The following ZFYVE26 variants were observed in gnomAD, a reference collection of about 807,000 sequenced individuals.
ZFYVE26 encodes the protein zinc finger FYVE-type containing 26.
Under a neutral mutation model 276.5 loss-of-function variants are expected in ZFYVE26, and 181 were observed. The observed-to-expected ratio is 0.65, with a 90% CI of 0.58 to 0.74. The LOEUF (loss-of-function observed/expected upper bound fraction) is 0.74, where lower values mean the gene tolerates loss of function less well. Among genes scored for constraint, ZFYVE26 ranks in the 30% least tolerant of loss-of-function variants. The pLI is 0.00. For synonymous variants in ZFYVE26, 1,129 were observed against 1,203.1 expected (o/e 0.94, Z 1.27); for missense variants, 2,821 against 3,097.9 (o/e 0.91, Z 2.12).
chr14:67,759,442 G>A (rs1448551043), intron 35 of ZFYVE26, among the ~76,000 whole-genome samples: 3 of 151,682 alleles, frequency 2.0e-5, no homozygotes, highest in Admixed American at 1.3e-4. Context: ...TGGCCAACAT[G>A]GTGAAACCCT....
At chr14:67,778,365 G>A in intron 23 of ZFYVE26, 117 bp from the exon 24 acceptor site, 4 of 1,327,244 alleles carry the variant, frequency 3.0e-6, no homozygotes, top group Non-Finnish European at 3.2e-6. Flanking sequence ...ACTTCACTAT[G>A]ATGAAAATGA....
intron 12 of ZFYVE26, chr14:67,796,122 A>C (rs1046473115): frequency 1.3e-5 from 2 of 152,158 alleles, no homozygotes; most frequent in African/African-American, 4.8e-5. Context: ...ATAAAATCAG[A>C]GCTGGATGGA....
chr14:67,753,328 C>T (rs1220363740), intron 39 of ZFYVE26, among the ~76,000 whole-genome samples: 4 of 152,206 alleles, frequency 2.6e-5, no homozygotes, highest in African/African-American at 7.2e-5. Context: ...ATTCCTCCAG[C>T]CAGCTCCTGT....
chr14:67,796,379 T>C (rs776493695), intron 12 of ZFYVE26: 2 of 151,912 alleles, frequency 1.3e-5, no homozygotes, highest in Non-Finnish European at 2.9e-5. Context: ...CTAACTTTCA[T>C]ATTTTTAGTA....
intron 3 of ZFYVE26, among the ~76,000 whole-genome samples, chr14:67,811,953 T>A (rs1285364034): frequency 1.3e-5 from 2 of 148,500 alleles, no homozygotes; most frequent in Non-Finnish European, 3.0e-5. Flanking sequence ...ATATTACATA[T>A]AACATATTAT....
chr14:67,772,630 C>T (rs1276412926), intron 27 of ZFYVE26, among the ~76,000 whole-genome samples: 2 of 152,118 alleles, frequency 1.3e-5, no homozygotes, highest in African/African-American at 4.8e-5. Context: ...GGCAGGGAAC[C>T]TATTGATTAA....
intron 30 of ZFYVE26, among the ~76,000 whole-genome samples, 199 bp downstream of exon 30, chr14:67,768,318 C>T (rs980742156): frequency 5.9e-5 from 9 of 152,220 alleles, no homozygotes; most frequent in Non-Finnish European, 1.2e-4. Context: ...ATGCTGGAAG[C>T]TAATAGGCCA....
intron 31 of ZFYVE26, 106 bp downstream of exon 31, chr14:67,767,598 T>C: frequency 6.8e-7 from 1 of 1,472,776 alleles, no homozygotes; most frequent in Non-Finnish European, 9.5e-7. Context: ...ATTATTGCAC[T>C]ATAAACAAGT....
At chr14:67,735,303 T>C (rs1394838485) in intron 13 of ZFYVE26, 1 of 840,230 alleles carries the variant, frequency 1.2e-6, no homozygotes, top group Non-Finnish European at 2.1e-6. Flanking sequence ...ATCTCACCTC[T>C]CTGTAGTGTC....
intron 15 of ZFYVE26, 69 bp downstream of exon 15, chr14:67,790,503 G>C: frequency 6.5e-7 from 1 of 1,533,846 alleles, no homozygotes; most frequent in Non-Finnish European, 9.0e-7. Context: ...TAGGATTTTA[G>C]TGGTTTCTCC....
At chr14:67,780,421 C>T in intron 22 of ZFYVE26, 76 bp from the exon 23 acceptor site, 1 of 1,291,718 alleles carries the variant, frequency 7.7e-7, no homozygotes, top group Non-Finnish European at 1.1e-6. Context: ...GGCATGTCCA[C>T]AGATGGGCCA....
At chr14:67,756,305 C>T in intron 35 of ZFYVE26, 160 bp from the exon 36 acceptor site, 2 of 784,296 alleles carry the variant, frequency 2.6e-6, no homozygotes, top group Admixed American at 2.0e-5. Flanking sequence ...GAATCTCATT[C>T]TAGCGACTGC....
chr14:67,784,652 C>T (rs771686176), intron 19 of ZFYVE26, among the ~76,000 whole-genome samples: 1 of 152,200 alleles, frequency 6.6e-6, no homozygotes, highest in Admixed American at 6.5e-5. Context: ...CAACCCCAGA[C>T]GAACTTCAGT....
At chr14:67,767,884 GT>G in intron 30 of ZFYVE26, 44 bp from the exon 31 acceptor site, 1 of 1,613,754 alleles carries the variant, frequency 6.2e-7, no homozygotes, top group Non-Finnish European at 8.5e-7. Context: ...CTGGCTGGCA[GT>G]TCAGTCTAAC....
At chr14:67,793,480 C>T in intron 14 of ZFYVE26, 128 bp downstream of exon 14, 4 of 1,066,986 alleles carry the variant, frequency 3.7e-6, no homozygotes, top group South Asian at 2.7e-5. Flanking sequence ...TGGAAACCCC[C>T]TCTTGCTTCT....
rs1379057072 is a variant in ZFYVE26, at chr14:67,777,694, C to G, written c.4839G>C (p.Val1613=). The G allele has an allele frequency of 6.2e-7, 1 of 1,614,150 alleles. No homozygotes were observed. The highest frequency in any genetic ancestry group is 1.7e-5 in the Admixed American group (1 of 60,018). Residue 1613 remains valine (V), a synonymous_variant, in exon 25 of 42, where the codon GTG becomes GTC. Transcript: ENST00000347230. ...TGTGCTGGTCGAGGGATTGCTCTGT[C>G]ACTTCAAGGCACATGGTGGGGTCAG... ...RIPDPTMCLE[V]TEQSLDQHTS...
Position 67,785,132 on chromosome 14 carries a change from G to T in ZFYVE26, c.3450C>A (p.Asp1150Glu), listed in dbSNP as rs2039614117. The T allele has an allele frequency of 6.2e-7, 1 of 1,614,118 alleles. No homozygotes were observed. ...KQTPSGSRQM[D>E]YLGTFFSYCS... is the part of the protein sequence containing the mutation. ...AGTAACTGAAGAAGGTGCCCAAGTA[G>T]TCCATCTGCCTGCTGCCTGATGGGG... Residue 1150 changes from aspartate to glutamate, a missense_variant, in exon 19 of 42, where the codon GAC (aspartate) becomes GAA (glutamate). Asp to Glu is a conservative substitution (Grantham distance 45). Transcript: ENST00000347230.
chr14:67,814,143 A>C, intron 2 of ZFYVE26, 79 bp from the exon 3 acceptor site: 19 of 1,161,198 alleles, frequency 1.6e-5, no homozygotes, highest in Non-Finnish European at 2.3e-5. Flanking sequence ...GACAGATTTC[A>C]TTGCTTATTC....
Position 67,761,929 on chromosome 14 carries a change from C to T in ZFYVE26, c.6369+274G>A, listed in dbSNP as rs1484570590. The T allele has an allele frequency of 2.7e-5, 15 of 560,068 alleles. No individual in the cohort carries two copies. In the East Asian group the frequency reaches 3.2e-4, roughly 12 times the overall value. The allele number at this position is 560,068 out of a possible 1,614,324, so 34.7% of individuals were successfully genotyped here. A position where few individuals can be genotyped will look rare whatever the true frequency, so the allele number is the denominator to read the frequency against. On this transcript the variant is annotated intron_variant, in intron 34 of 41. Transcript: ENST00000347230. ...TAGAAAATTCACCAGAATTTTAACA[C>T]TAATCAGTCTGTGTATGGGATTATA... is the stretch of plus-strand genomic sequence containing the variant.
Sources: gnomAD v4.1 joint callset for allele counts (sites outside exome capture counted in the v4.1 genomes callset) on GRCh38, gnomAD v4.1.1 for gene constraint, MANE v1.5 for transcripts, NCBI Gene and HGNC (gene_info 2026-07-23, HGNC 2026-07-21) for gene names.